CIB4: variants seen among roughly 807,000 people sequenced by gnomAD.
CIB4 encodes calcium and integrin binding family member 4, also known as calcium and integrin-binding family member 4.
In CIB4, 25 loss-of-function variants were observed where a neutral mutation model predicts 25.8. That is an observed-to-expected ratio of 0.97 (90% CI 0.71 to 1.35). CIB4 has a LOEUF of 1.35. CIB4 is among the 40% of genes most tolerant of loss of function. The pLI is 0.00. For missense variants in CIB4, 235 were observed against 228.2 expected, an observed-to-expected ratio of 1.03 and a Z score of -0.19; for synonymous variants, 75 against 81.4, an observed-to-expected ratio of 0.92 and a Z score of 0.42.
intron 4 of CIB4, among the ~76,000 whole-genome samples, chr2:26,588,414 C>A (rs950927477): frequency 1.3e-5 from 2 of 152,216 alleles, no homozygotes; most frequent in Non-Finnish European, 2.9e-5. Context: ...CCCAGGCGGC[C>A]TCTGCAGCCT....
chr2:26,588,515 C>A (rs1380908293), intron 4 of CIB4, among the ~76,000 whole-genome samples: 1 of 152,194 alleles, frequency 6.6e-6, no homozygotes, highest in Non-Finnish European at 1.5e-5. Context: ...CAGGGCTCAG[C>A]CTTCAGTCCC....
chr2:26,630,366 G>A (rs1222420390), intron 2 of CIB4, among the ~76,000 whole-genome samples: 1 of 152,196 alleles, frequency 6.6e-6, no homozygotes, highest in Non-Finnish European at 1.5e-5. Context: ...TGGGGCCCAG[G>A]AGGCCTGGAT....
At chr2:26,640,035 G>A (rs1017663881) in intron 2 of CIB4, among the ~76,000 whole-genome samples, 2 of 151,882 alleles carry the variant, frequency 1.3e-5, no homozygotes, top group Admixed American at 6.6e-5. Flanking sequence ...CAGGGAGCGG[G>A]GCTGCTCACC....
intron 3 of CIB4, among the ~76,000 whole-genome samples, chr2:26,621,609 G>A (rs1254512113): frequency 6.6e-6 from 1 of 152,192 alleles, no homozygotes; most frequent in Non-Finnish European, 1.5e-5. Flanking sequence ...TATGTAAGTT[G>A]TAAAAACATT....
intron 4 of CIB4, among the ~76,000 whole-genome samples, chr2:26,588,536 C>T (rs187860080): frequency 2.7e-4 from 41 of 152,358 alleles, no homozygotes; most frequent in Middle Eastern, 6.8e-3. Flanking sequence ...CCCAAAGACT[C>T]TGACCATTGT....
At chr2:26,595,382 C>G in intron 3 of CIB4, 65 bp from the exon 4 acceptor site, 1 of 1,543,714 alleles carries the variant, frequency 6.5e-7, no homozygotes, top group Non-Finnish European at 8.9e-7. Flanking sequence ...CCCTGGGTCT[C>G]TCTCATCTAT....
chr2:26,588,615 G>A (rs905547196), intron 4 of CIB4, among the ~76,000 whole-genome samples: 1 of 152,224 alleles, frequency 6.6e-6, no homozygotes, highest in Non-Finnish European at 1.5e-5. Flanking sequence ...AACCTGTGGT[G>A]GAGGGAGGGC....
intron 4 of CIB4, among the ~76,000 whole-genome samples, chr2:26,593,333 T>C (rs563096349): frequency 1.2e-4 from 19 of 152,090 alleles, no homozygotes; most frequent in South Asian, 2.1e-4. Context: ...TATATGTGTG[T>C]GTGTGTATAT....
intron 4 of CIB4, among the ~76,000 whole-genome samples, chr2:26,587,166 C>T (rs1371457567): frequency 2.6e-5 from 4 of 151,776 alleles, no homozygotes; most frequent in East Asian, 3.9e-4. Context: ...ATTAGCCGGG[C>T]GTAGTGGCTG....
rs534781318 is a variant in CIB4 at position 26,627,244 on chromosome 2, G to A, written c.186+2166C>T. Among the ~76,000 whole-genome samples, 1 of 152,208 alleles carries A rather than the reference G, an allele frequency of 6.6e-6. No individual in the cohort carries two copies. Among genetic ancestry groups the A allele is most frequent in the African/African-American group, 2.4e-5 (1 of 41,458 alleles). On this transcript the variant is annotated intron_variant, in intron 3 of 6. Coordinates refer to ENST00000288861, the MANE Select transcript of CIB4 (RefSeq NM_001029881.3). This position sits in a 1 kb window ranked among gnomAD's most constrained non-coding sequence, Gnocchi z 4.0. ...AGCCTTGATTAGAATAGGAGGCTCT[G>A]CCTGGGCCAGAGTTCAAGCTGACTC...
chr2:26,584,036 A>C (rs1668404355), intron 4 of CIB4, 138 bp from the exon 5 acceptor site: 3 of 618,486 alleles, frequency 4.9e-6, no homozygotes, highest in Non-Finnish European at 8.8e-6. Context: ...CCCAGAGCCC[A>C]ACTCTCCCAG....
chr2:26,589,074 CTT>C lies in CIB4; in HGVS notation c.329-5178_329-5177del, dbSNP rs1491513674. 3.0e-4 allele frequency among the ~76,000 whole-genome samples: 16 copies of C among 54,110 alleles called. 1 individual carries two copies. Among genetic ancestry groups the C allele is most frequent in the African/African-American group, 1.8e-3 (16 of 9,022 alleles). The allele number at this position is 54,110 out of a possible 152,430, so 35.5% of individuals were successfully genotyped here. ...TCTTCTTCTTCCTCTTCCTCTTCCT[CTT>C]CTTCTTCTTCTTCTTCTTCTTCTTC... On this transcript the variant is annotated intron_variant, in intron 4 of 6. Transcript: ENST00000288861.
chr2:26,624,858 T>A lies in CIB4; in HGVS notation c.186+4552A>T, dbSNP rs150646972. On this transcript the variant is annotated intron_variant, in intron 3 of 6. Coordinates refer to ENST00000288861, the MANE Select transcript of CIB4 (RefSeq NM_001029881.3). ...TTATGGTGTATATATATATATATTT[T>A]TTTTATATAGGCATTATAGTCAATA... 4.2e-4 allele frequency among the ~76,000 whole-genome samples: 64 copies of A among 151,434 alleles called. No homozygotes were observed. The East Asian group carries it at 5.2e-3, about 12-fold the overall frequency.
In CIB4 at chr2:26,590,856, G is replaced by C. The variant is rs936363156; in HGVS notation, c.328+4320C>G. 5.3e-5 allele frequency among the ~76,000 whole-genome samples: 8 copies of C among 152,190 alleles called. No homozygotes were observed. The East Asian group carries it at 1.5e-3, about 29-fold the overall frequency. ...AGGAAGGAACCTCTGTGCTGCAAGG[G>C]GCCTGGAGAGAGAGTGGGGAGAAAG... On this transcript the variant is annotated intron_variant, in intron 4 of 6. Coordinates refer to ENST00000288861, the MANE Select transcript of CIB4 (RefSeq NM_001029881.3).
intron 3 of CIB4, among the ~76,000 whole-genome samples, chr2:26,628,223 G>C (rs1477930513): frequency 6.6e-6 from 1 of 152,100 alleles, no homozygotes; most frequent in Non-Finnish European, 1.5e-5. Flanking sequence ...GCTCTTCCAG[G>C]CTGCCCTGGG....
chr2:26,633,443 G>A (rs1294957456), intron 2 of CIB4, among the ~76,000 whole-genome samples: 1 of 152,064 alleles, frequency 6.6e-6, no homozygotes, highest in African/African-American at 2.4e-5. Context: ...CAAGTTCTTC[G>A]GGCTGTGCTG....
intron 1 of CIB4, 40 bp from the exon 2 acceptor site, chr2:26,640,607 C>T (rs1443577542): frequency 1.2e-6 from 2 of 1,600,356 alleles, no homozygotes; most frequent in South Asian, 1.1e-5. Flanking sequence ...CCACTCCATT[C>T]ATCCCTGCTG....
intron 3 of CIB4, among the ~76,000 whole-genome samples, chr2:26,615,068 G>T (rs1669065954): frequency 6.6e-6 from 1 of 152,182 alleles, no homozygotes; most frequent in African/African-American, 2.4e-5. Flanking sequence ...GTGCTGGTTT[G>T]AGTTCCAGCC....
intron 2 of CIB4, among the ~76,000 whole-genome samples, chr2:26,635,748 C>A (rs1477373107): frequency 1.3e-5 from 2 of 152,158 alleles, no homozygotes; most frequent in Admixed American, 6.6e-5. Context: ...CTCCCCAGGG[C>A]CCCACCAAGA....
Sources: allele counts gnomAD v4.1 joint callset (sites outside exome capture counted in the v4.1 genomes callset), GRCh38; gene constraint gnomAD v4.1.1; non-coding constraint Gnocchi (gnomAD v3.1); transcripts MANE v1.5; gene names NCBI Gene and HGNC (gene_info 2026-07-23, HGNC 2026-07-21).